FBXW5: variants seen among roughly 807,000 people sequenced by gnomAD.
FBXW5 encodes the protein F-box/WD repeat-containing protein 5.
A neutral mutation model predicts 50.9 loss-of-function variants in FBXW5; 74 were observed. That is an observed-to-expected ratio of 1.45 (90% CI 1.20 to 1.76). The LOEUF is 1.76. Ranked by LOEUF, FBXW5 falls within the 40% of genes most tolerant of loss-of-function variation. FBXW5 has a pLI of 0.00. For missense variants in FBXW5, 1,073 were observed against 818.8 expected, an observed-to-expected ratio of 1.31 and a Z score of -3.79; for synonymous variants, 523 against 362.2, an observed-to-expected ratio of 1.44 and a Z score of -5.04.
chr9:136,941,923 A>G lies in FBXW5; in HGVS notation c.1096+123T>C, dbSNP rs531013451. ...GCCCCAGGTCTGGGCTTGTGACCCC[A>G]GGGGCGAGTGAACGATCCCAGCTTT... is the stretch of plus-strand genomic sequence containing the variant. On this transcript the variant is annotated intron_variant, in intron 6 of 8. Coordinates refer to ENST00000325285, the MANE Select transcript of FBXW5 (RefSeq NM_018998.4). 9.2e-5 allele frequency: 133 copies of G among 1,445,878 alleles called. 4 individuals carry two copies. The South Asian group carries it at 1.8e-3, about 20-fold the overall frequency. 89.6% of individuals were successfully genotyped at this position (1,445,878 alleles called of 1,614,324 possible). A position where few individuals can be genotyped will look rare whatever the true frequency, so the allele number is the denominator to read the frequency against.
Position 136,942,578 on chromosome 9 carries a change from C to T in FBXW5, c.644G>A (p.Cys215Tyr), listed in dbSNP as rs956441807. The T allele has an allele frequency of 1.9e-6, 3 of 1,611,794 alleles. No homozygotes were observed. Among genetic ancestry groups the T allele is most frequent in the African/African-American group, 2.7e-5 (2 of 74,892 alleles). Residue 215 changes from cysteine (C) to tyrosine (Y), a missense_variant, in exon 5 of 9, where the codon TGC becomes TAC. Physicochemically the swap from Cys to Tyr is radical, Grantham distance 194. Transcript: ENST00000325285. ...GGCATTGTTGAGCCACAGCACCGAG[C>T]AGGAGGTGATATCTCCGATGCGGTG... ...NLHRIGDITS[C>Y]SVLWLNNAFQ...
At position 136,944,611 on chromosome 9, in the gene FBXW5, G is replaced by GCTGCGCCGCCCCCGCC; in HGVS notation, c.-57_-42dup. 3.0e-6 allele frequency: 3 copies of GCTGCGCCGCCCCCGCC among 984,080 alleles called. No homozygotes were observed. The highest frequency in any genetic ancestry group is 3.6e-6 in the Non-Finnish European group (3 of 828,946). 61.0% of individuals were successfully genotyped at this position (984,080 alleles called of 1,614,324 possible). The stretch of plus-strand genomic sequence containing the variant: ...GCACTCACCACGGCCGCCTCCGCCC[G>GCTGCGCCGCCCCCGCC]CTGCGCCGCCCCCGCCCTGCGCGAC... On this transcript the variant is annotated 5_prime_UTR_variant, in exon 1 of 9. Coordinates refer to ENST00000325285, the MANE Select transcript of FBXW5 (RefSeq NM_018998.4).
At position 136,942,408 on chromosome 9, in the gene FBXW5, T is replaced by C. The variant is rs755552865; in HGVS notation, c.734A>G (p.Asn245Ser). Residue 245 changes from asparagine to serine, a missense_variant, in exon 6 of 9, where the codon AAT becomes AGT. By Grantham distance (46) the Asn-to-Ser change is conservative. Transcript: ENST00000325285. ...VKRLFKIQNL[N>S]ASTVRTVMVA... The stretch of plus-strand genomic sequence containing the variant: ...CATCACCGTGCGGACGGTGCTGGCA[T>C]TGAGGTTCTGGATCTTGAACAGCCG... 6.2e-7 allele frequency: 1 copy of C among 1,608,560 alleles called. No homozygotes were observed. The highest frequency in any genetic ancestry group is 8.5e-7 in the Non-Finnish European group (1 of 1,176,746).
rs778462523 is a variant in FBXW5, at chr9:136,942,675, G to C, written c.547C>G (p.Arg183Gly). The C allele has an allele frequency of 9.3e-6, 15 of 1,610,596 alleles. No homozygotes were observed. Among genetic ancestry groups the C allele is most frequent in the Non-Finnish European group, 1.1e-5 (13 of 1,179,076 alleles). ...ISLDSFALLS[R>G]VRNKPYDVFG... is the part of the protein sequence containing the mutation. ...ACGTCATAGGGCTTGTTCCGCACGC[G>C]GGACAGCAGCGCGAAGGAGTCTGTG... The change falls in exon 5 of 9, where the codon CGC (arginine) becomes GGC (glycine). Residue 183 changes from arginine to glycine, a missense_variant. Physicochemically the swap from Arg to Gly is moderately radical, Grantham distance 125. Coordinates refer to ENST00000325285, the MANE Select transcript of FBXW5 (RefSeq NM_018998.4).
At position 136,944,703 on chromosome 9, in the gene FBXW5, C is replaced by T; in HGVS notation, c.-133G>A. The T allele has an allele frequency of 1.0e-6, 1 of 985,752 alleles. No homozygotes were observed. Among genetic ancestry groups the T allele is most frequent in the South Asian group, 4.6e-5 (1 of 21,748 alleles). The allele number at this position is 985,752 out of a possible 1,614,324, so 61.1% of individuals were successfully genotyped here. ...CCCGCCCAACGGGGAGCCCGCCAGG[C>T]CCGACGCCACGAGCCCCGAGGCATC... On this transcript the variant is annotated 5_prime_UTR_variant, in exon 1 of 9. Coordinates refer to ENST00000325285, the MANE Select transcript of FBXW5 (RefSeq NM_018998.4).
rs1402005933 is a variant in FBXW5, at chr9:136,943,990, C to G, written c.94G>C (p.Val32Leu). The change falls in exon 2 of 9, where the codon GTG becomes CTG. Residue 32 changes from valine to leucine, a missense_variant. Transcript: ENST00000325285. ...GPADVLAAGL[V>L]CRQWQAVSRD... ...GACACGGCCTGCCATTGGCGGCACA[C>G]CAGCCCGGCGGCCAGCACGTCGGCC... 6.3e-7 allele frequency: 1 copy of G among 1,587,792 alleles called. No individual in the cohort carries two copies.
At chr9:136,943,860 A>G (rs1850916169) in intron 2 of FBXW5, 31 bp downstream of exon 2, 1 of 1,546,322 alleles carries the variant, frequency 6.5e-7, no homozygotes, top group Non-Finnish European at 8.7e-7. Flanking sequence ...CTGGCTGCAG[A>G]ACGTGGGTAG....
In FBXW5 at chr9:136,944,013, G is replaced by T. The variant is rs1442378214; in HGVS notation, c.71C>A (p.Ala24Asp). The change falls in exon 2 of 9, where the codon GCC becomes GAC. Residue 24 changes from alanine to aspartate, a missense_variant. Coordinates refer to ENST00000325285, the MANE Select transcript of FBXW5 (RefSeq NM_018998.4). Reference protein sequence around the residue: ...VYQIFLSLGPADVLAAGLVCR... With the variant: ...VYQIFLSLGPDDVLAAGLVCR... Reference sequence around the variant, plus strand: ...CACCAGCCCGGCGGCCAGCACGTCGGCCGGGCCCAGGCTCAGGAAGATCTG... The same window carrying T: ...CACCAGCCCGGCGGCCAGCACGTCGTCCGGGCCCAGGCTCAGGAAGATCTG... 1.9e-6 allele frequency: 3 copies of T among 1,599,558 alleles called. No individual in the cohort carries two copies. In the African/African-American group the frequency reaches 4.0e-5, roughly 21 times the overall value.
At chr9:136,944,554 A>G in intron 1 of FBXW5, 40 bp downstream of exon 1, 5 of 983,274 alleles carry the variant, frequency 5.1e-6, no homozygotes, top group Non-Finnish European at 6.0e-6. Context: ...GCGGGCGGGG[A>G]CGACAAGGCG....
At position 136,940,921 on chromosome 9, in the gene FBXW5, G is replaced by C. The variant is rs761349908; in HGVS notation, c.*7C>G. ...GGTCCCGGTGGCTCCAGTGCACCCAGCACACCTCAGCGCCTCTGGCTGGCA... is the reference window on the plus strand; with the variant it reads ...GGTCCCGGTGGCTCCAGTGCACCCACCACACCTCAGCGCCTCTGGCTGGCA... On this transcript the variant is annotated 3_prime_UTR_variant, in exon 9 of 9. Coordinates refer to ENST00000325285, the MANE Select transcript of FBXW5 (RefSeq NM_018998.4). 16 of 1,577,004 alleles carry C rather than the reference G, an allele frequency of 1.0e-5. No individual in the cohort carries two copies.
intron 8 of FBXW5, 32 bp downstream of exon 8, chr9:136,941,219 A>T (rs1338159214): frequency 1.3e-6 from 2 of 1,599,744 alleles, no homozygotes; most frequent in African/African-American, 1.3e-5. Flanking sequence ...GCTGCTGCCC[A>T]CACCCGCCCT....
intron 8 of FBXW5, 25 bp downstream of exon 8, chr9:136,941,226 C>T (rs1451649657): frequency 6.2e-7 from 1 of 1,601,122 alleles, no homozygotes; most frequent in Non-Finnish European, 8.5e-7. Context: ...CCCACACCCG[C>T]CCTGCACCAC....
chr9:136,943,062 G>A, intron 3 of FBXW5, 119 bp from the exon 4 acceptor site: 1 of 1,496,046 alleles, frequency 6.7e-7, no homozygotes, highest in Non-Finnish European at 9.2e-7. Context: ...CAGGGAGCAG[G>A]GACCCCTTCC....
chr9:136,942,610 C>T lies in FBXW5; in HGVS notation c.612G>A (p.Gly204=), dbSNP rs566278473. The change falls in exon 5 of 9, where the codon GGG becomes GGA. Residue 204 remains glycine (G), a synonymous_variant. Transcript: ENST00000325285. ...CWLTETSLIS[G]NLHRIGDITS... ...TGATATCTCCGATGCGGTGCAGGTT[C>T]CCCGAGATGAGGCTGGTCTCGGTGA... 1.1e-5 allele frequency: 17 copies of T among 1,610,824 alleles called. No individual in the cohort carries two copies. The Admixed American group carries it at 2.3e-4, about 22-fold the overall frequency.
chr9:136,940,606 G>A lies in FBXW5; in HGVS notation c.*322C>T, dbSNP rs1014509408. 69 of 373,952 alleles carry A rather than the reference G, an allele frequency of 1.8e-4. No individual in the cohort carries two copies. The highest frequency in any genetic ancestry group is 3.0e-4 in the Non-Finnish European group (58 of 196,426). 23.2% of individuals were successfully genotyped at this position (373,952 alleles called of 1,614,324 possible). A position where few individuals can be genotyped will look rare whatever the true frequency, so the allele number is the denominator to read the frequency against. On this transcript the variant is annotated 3_prime_UTR_variant, in exon 9 of 9. Transcript: ENST00000325285. ...CGTCCAGGGCCCCACAGGACCAGCCGAAGGTGCCCCGGGCCGAGGCCAGCT... is the reference window on the plus strand; with the variant it reads ...CGTCCAGGGCCCCACAGGACCAGCCAAAGGTGCCCCGGGCCGAGGCCAGCT...
chr9:136,943,036 C>T (rs73668377), intron 3 of FBXW5, 93 bp from the exon 4 acceptor site: 101 of 1,587,224 alleles, frequency 6.4e-5, no homozygotes, highest in Non-Finnish European at 8.3e-5. Context: ...CTCTGCCAGC[C>T]CTACTCAGAG....
rs759782408 is a variant in FBXW5, at chr9:136,942,710, G to T, written c.527-15C>A. On this transcript the variant is annotated splice_polypyrimidine_tract_variant and intron_variant, in intron 4 of 8. Transcript: ENST00000325285. Reference sequence around the variant, plus strand: ...CGCGAAGGAGTCTGTGGGGAGGCCGGGGCTGGACAGGCTGTCGGCGTGGGG... The same window carrying T: ...CGCGAAGGAGTCTGTGGGGAGGCCGTGGCTGGACAGGCTGTCGGCGTGGGG... 2 of 1,611,124 alleles carry T rather than the reference G, an allele frequency of 1.2e-6. No individual in the cohort carries two copies. Among genetic ancestry groups the T allele is most frequent in the South Asian group, 1.1e-5 (1 of 90,900 alleles).
chr9:136,943,770 T>G (rs992511369), intron 2 of FBXW5, 121 bp downstream of exon 2: 5 of 1,184,366 alleles, frequency 4.2e-6, no homozygotes, highest in Non-Finnish European at 5.9e-6. Flanking sequence ...TATCAGGGTG[T>G]GGGGGGGTGA....
Position 136,944,046 on chromosome 9 carries a change from A to G in FBXW5, c.38T>C (p.Leu13Pro). The G allele has an allele frequency of 6.2e-7, 1 of 1,604,348 alleles. No homozygotes were observed. The highest frequency in any genetic ancestry group is 1.7e-5 in the Admixed American group (1 of 59,288). ...EGGTPLLPDS[L>P]VYQIFLSLGP... The stretch of plus-strand genomic sequence containing the variant: ...CAGGCTCAGGAAGATCTGGTAGACC[A>G]GGCTGTCGGGGAGCAGGGGCGTGCC... The change falls in exon 2 of 9, where the codon CTG becomes CCG. Residue 13 changes from leucine to proline, a missense_variant. Coordinates refer to ENST00000325285, the MANE Select transcript of FBXW5 (RefSeq NM_018998.4).
Sources: allele counts gnomAD v4.1 joint callset, GRCh38; gene constraint gnomAD v4.1.1; transcripts MANE v1.5; gene names NCBI Gene and HGNC (gene_info 2026-07-23, HGNC 2026-07-21).